The following WDR49 variants were observed in gnomAD, a reference collection of about 807,000 sequenced individuals.
WDR49 encodes the protein cilia- and flagella-associated protein 337.
A neutral mutation model predicts 119.5 loss-of-function variants in WDR49; 107 were observed. That is an observed-to-expected ratio of 0.90 (90% CI 0.77 to 1.05). WDR49 has a LOEUF of 1.05. WDR49 is among the 50% of genes least tolerant of loss of function. The pLI is 0.00. For missense variants in WDR49, 1,240 were observed against 1,220.5 expected (o/e 1.02, Z -0.24); for synonymous variants, 425 against 418.8 (o/e 1.01, Z -0.18).
Position 167,560,270 on chromosome 3 carries a change from A to G in WDR49, c.1510-42T>C, listed in dbSNP as rs761297573. On this transcript the variant is annotated intron_variant, in intron 8 of 18. Transcript: ENST00000682715. ...TTTTAAAGAAATTAAATATAGTCTC[A>G]GAATCAACCATTTATATTTCAATAA... 1.3e-5 allele frequency: 21 copies of G among 1,562,424 alleles called. No individual in the cohort carries two copies. The South Asian group carries it at 2.0e-4, about 15-fold the overall frequency.
intron 18 of WDR49, among the ~76,000 whole-genome samples, chr3:167,492,930 G>A (rs1277635217): frequency 1.3e-5 from 2 of 151,398 alleles, no homozygotes; most frequent in Non-Finnish European, 2.9e-5. Context: ...GAACAAGCAT[G>A]GAGAGGCGGA....
chr3:167,570,696 G>T (rs573329788), intron 8 of WDR49, among the ~76,000 whole-genome samples: 2 of 152,170 alleles, frequency 1.3e-5, no homozygotes, highest in East Asian at 3.9e-4. Flanking sequence ...GTTTACCTTT[G>T]GTATATTTTT....
In WDR49 at chr3:167,621,581, A is replaced by G; in HGVS notation, c.669T>C (p.Phe223=). The change falls in exon 4 of 19, where the codon TTT becomes TTC. Residue 223 remains phenylalanine (F), a synonymous_variant. Transcript: ENST00000682715. ...CFYDLLSKEE[F]ACQYKLQGLK... ...GGCCTTGGAGTTTGTATTGGCAAGC[A>G]AATTCTTCTTTGGACAGCAGATCAT... The G allele has an allele frequency of 6.5e-7, 1 of 1,535,428 alleles. No homozygotes were observed. Among genetic ancestry groups the G allele is most frequent in the Non-Finnish European group, 8.7e-7 (1 of 1,146,402 alleles).
intron 7 of WDR49, among the ~76,000 whole-genome samples, chr3:167,587,879 AC>A (rs1280980596): frequency 1.3e-5 from 2 of 152,202 alleles, no homozygotes; most frequent in Non-Finnish European, 2.9e-5. Context: ...ATACAGATAT[AC>A]ATTGCGTAAT....
intron 9 of WDR49, among the ~76,000 whole-genome samples, chr3:167,557,534 G>A (rs1478233276): frequency 1.3e-5 from 2 of 152,068 alleles, no homozygotes; most frequent in East Asian, 3.9e-4. Flanking sequence ...AAACTCAACT[G>A]CCTATGGAAG....
chr3:167,509,179 G>A (rs1007292094), intron 16 of WDR49, among the ~76,000 whole-genome samples: 3 of 152,110 alleles, frequency 2.0e-5, no homozygotes, highest in Non-Finnish European at 2.9e-5. Flanking sequence ...GTAACCAAAG[G>A]AAAATGTGTC....
chr3:167,651,072 A>G (rs1272550837), intron 2 of WDR49, among the ~76,000 whole-genome samples: 1 of 152,212 alleles, frequency 6.6e-6, no homozygotes, highest in Non-Finnish European at 1.5e-5. Flanking sequence ...TACTACGATT[A>G]GTATGGTATG....
chr3:167,539,524 A>C (rs1210341248), intron 10 of WDR49, among the ~76,000 whole-genome samples: 1 of 152,144 alleles, frequency 6.6e-6, no homozygotes, highest in Admixed American at 6.6e-5. Context: ...ATTCACATTT[A>C]ACTTGTAACA....
At chr3:167,584,442 G>T in intron 7 of WDR49, among the ~76,000 whole-genome samples, 1 of 152,026 alleles carries the variant, frequency 6.6e-6, no homozygotes, top group East Asian at 1.9e-4. Flanking sequence ...CATTTGTACT[G>T]ATCCTAAAAT....
intron 14 of WDR49, among the ~76,000 whole-genome samples, chr3:167,528,249 G>A (rs991219208): frequency 6.6e-6 from 1 of 151,768 alleles, no homozygotes; most frequent in African/African-American, 2.4e-5. Context: ...TGGGGAAGGA[G>A]GAAGGAAAGA....
At chr3:167,517,702 A>G (rs1752272270) in intron 16 of WDR49, among the ~76,000 whole-genome samples, 1 of 147,098 alleles carries the variant, frequency 6.8e-6, no homozygotes, top group Admixed American at 6.8e-5. Context: ...TTTAACCTTT[A>G]CTTTTTTTTT....
chr3:167,536,754 TAC>T, intron 11 of WDR49, 114 bp downstream of exon 11: 2 of 425,614 alleles, frequency 4.7e-6, no homozygotes, highest in Non-Finnish European at 3.3e-6. Flanking sequence ...CACATACATA[TAC>T]ATATATATAT....
chr3:167,561,550 C>G (rs1239946123), intron 8 of WDR49, among the ~76,000 whole-genome samples: 1 of 152,126 alleles, frequency 6.6e-6, no homozygotes, highest in Non-Finnish European at 1.5e-5. Flanking sequence ...CCTTTGGGTA[C>G]TGTGGAAGTA....
chr3:167,642,992 C>T (rs1015569832), intron 2 of WDR49, among the ~76,000 whole-genome samples: 2 of 151,972 alleles, frequency 1.3e-5, no homozygotes. Flanking sequence ...GGGCCGAAGA[C>T]TCTCTCTTAC....
chr3:167,482,486 G>A (rs1292926668), intron 18 of WDR49, among the ~76,000 whole-genome samples: 2 of 150,074 alleles, frequency 1.3e-5, no homozygotes, highest in South Asian at 2.1e-4. Flanking sequence ...TGGCTAACAT[G>A]GTGAAACCCC....
intron 18 of WDR49, among the ~76,000 whole-genome samples, chr3:167,487,348 C>A (rs953051540): frequency 5.9e-5 from 9 of 151,994 alleles, no homozygotes; most frequent in Admixed American, 2.6e-4. Context: ...GAAACTGGAC[C>A]CTTATCTTTC....
intron 18 of WDR49, among the ~76,000 whole-genome samples, chr3:167,479,711 TATC>T (rs1263007086): frequency 6.6e-6 from 1 of 152,184 alleles, no homozygotes; most frequent in Non-Finnish European, 1.5e-5. Context: ...TACAATAAGA[TATC>T]ATTCCAAGAG....
chr3:167,653,275 G>C lies in WDR49; in HGVS notation c.151C>G (p.Gln51Glu). ...TTCACACTTACCTCAAAGGCCTTCT[G>C]TATTTTTACAAAGTCACCCACGCTG... ...QLSVGDFVKIQKAFESPQPRK... is the reference protein window; with the variant it reads ...QLSVGDFVKIEKAFESPQPRK... Residue 51 changes from glutamine to glutamate, a missense_variant, in exon 2 of 19, where the codon CAG becomes GAG. Physicochemically the swap from Gln to Glu is conservative, Grantham distance 29. Transcript: ENST00000682715. The C allele has an allele frequency of 2.0e-6, 3 of 1,536,128 alleles. No homozygotes were observed. The highest frequency in any genetic ancestry group is 8.7e-7 in the Non-Finnish European group (1 of 1,146,872).
At chr3:167,588,947 T>C (rs1714966980) in intron 7 of WDR49, among the ~76,000 whole-genome samples, 2 of 151,560 alleles carry the variant, frequency 1.3e-5, no homozygotes, top group South Asian at 4.1e-4. Context: ...CTTAATGTGA[T>C]CCCACTCATC....
Sources: allele counts gnomAD v4.1 joint callset (sites outside exome capture counted in the v4.1 genomes callset), GRCh38; gene constraint gnomAD v4.1.1; transcripts MANE v1.5; gene names NCBI Gene and HGNC (gene_info 2026-07-23, HGNC 2026-07-21).